Variants in MDGA2 observed in about 807,000 individuals in gnomAD.
The protein encoded by MDGA2 is MAM domain-containing glycosylphosphatidylinositol anchor protein 2.
Under a neutral mutation model 117.8 loss-of-function variants are expected in MDGA2, and 40 were observed. The ratio of observed to expected loss-of-function variants is 0.34; its 90% CI spans 0.26 to 0.44. The LOEUF is 0.44. MDGA2 is among the 20% of genes least tolerant of loss of function. The pLI, the probability that MDGA2 is intolerant of heterozygous loss-of-function variation, is 1.00. For missense variants in MDGA2, 1,123 were observed against 1,250.6 expected (o/e 0.90, Z 1.54); for synonymous variants, 452 against 439.0 (o/e 1.03, Z -0.37).
intron 1 of MDGA2, among the ~76,000 whole-genome samples, chr14:47,378,221 C>A (rs184038910): frequency 0.081 from 12,308 of 152,176 alleles, 582 homozygotes; most frequent in Non-Finnish European, 0.091. Flanking sequence ...TCACCATCAA[C>A]AAAGACCAAA....
intron 3 of MDGA2, among the ~76,000 whole-genome samples, chr14:47,167,823 C>G (rs1883947005): frequency 6.6e-6 from 1 of 152,150 alleles, no homozygotes; most frequent in African/African-American, 2.4e-5. Context: ...TAGTCTCAAT[C>G]AGGTAAAACT....
At chr14:47,095,917 G>T (rs1182724483) in intron 6 of MDGA2, among the ~76,000 whole-genome samples, 1 of 151,850 alleles carries the variant, frequency 6.6e-6, no homozygotes, top group African/African-American at 2.4e-5. Context: ...TCAGCATATG[G>T]ATGTCCCTTT....
intron 1 of MDGA2, among the ~76,000 whole-genome samples, chr14:47,408,056 C>CTTT (rs56285818): frequency 0.28 from 32,212 of 114,900 alleles, 5,127 homozygotes; most frequent in East Asian, 0.47. Context: ...GGAGATTATT[C>CTTT]TTTTTTTTTT....
At chr14:47,416,395 C>G (rs548397708) in intron 1 of MDGA2, among the ~76,000 whole-genome samples, 98 of 152,266 alleles carry the variant, frequency 6.4e-4, no homozygotes, top group African/African-American at 2.0e-3. Flanking sequence ...ATCCAGTCTC[C>G]CAGACAGACT....
chr14:47,607,046 T>G (rs1299528592), intron 1 of MDGA2, among the ~76,000 whole-genome samples: 4 of 152,274 alleles, frequency 2.6e-5, no homozygotes, highest in African/African-American at 7.2e-5. Flanking sequence ...GCACTATTGT[T>G]TGCTAAAGAT....
chr14:47,136,780 A>G (rs1241502087), intron 4 of MDGA2, among the ~76,000 whole-genome samples: 1 of 152,236 alleles, frequency 6.6e-6, no homozygotes, highest in African/African-American at 2.4e-5. Flanking sequence ...AGATAGGAAT[A>G]GAGCACACAG....
intron 1 of MDGA2, among the ~76,000 whole-genome samples, chr14:47,505,417 G>A (rs1349666532): frequency 1.3e-5 from 2 of 152,092 alleles, no homozygotes; most frequent in Non-Finnish European, 2.9e-5. Flanking sequence ...TACCCTGACT[G>A]ACTCATTACA....
chr14:47,397,815 G>A (rs1275330240), intron 1 of MDGA2, among the ~76,000 whole-genome samples: 1 of 152,004 alleles, frequency 6.6e-6, no homozygotes, highest in East Asian at 1.9e-4. Flanking sequence ...TAACCTTAGG[G>A]GCTAGTTGAA....
At chr14:46,958,143 T>C (rs1193555922) in intron 8 of MDGA2, among the ~76,000 whole-genome samples, 1 of 152,172 alleles carries the variant, frequency 6.6e-6, no homozygotes, top group Non-Finnish European at 1.5e-5. Context: ...AAGAAGTGAA[T>C]GACACTATGA....
chr14:47,580,657 G>T (rs1222008157), intron 1 of MDGA2, among the ~76,000 whole-genome samples: 2 of 151,598 alleles, frequency 1.3e-5, no homozygotes, highest in South Asian at 4.1e-4. Context: ...CTATATATTT[G>T]AAAGCACAAA....
intron 1 of MDGA2, among the ~76,000 whole-genome samples, chr14:47,389,614 A>C (rs200759231): frequency 1.4e-5 from 2 of 147,588 alleles, no homozygotes; most frequent in African/African-American, 5.1e-5. Context: ...ACCCACACAC[A>C]CACACACACA....
At chr14:47,072,950 A>G (rs1312790204) in intron 6 of MDGA2, among the ~76,000 whole-genome samples, 6 of 152,218 alleles carry the variant, frequency 3.9e-5, no homozygotes, top group Admixed American at 3.3e-4. Context: ...CGTAACTCCC[A>G]TAAGTATCAA....
chr14:47,072,777 A>G (rs923435191), intron 6 of MDGA2, among the ~76,000 whole-genome samples: 1 of 152,190 alleles, frequency 6.6e-6, no homozygotes, highest in Non-Finnish European at 1.5e-5. Context: ...GCCATCCTTT[A>G]GAAATACAGG....
chr14:47,135,527 AT>A (rs1882409769), intron 4 of MDGA2, among the ~76,000 whole-genome samples: 1 of 151,876 alleles, frequency 6.6e-6, no homozygotes, highest in South Asian at 2.1e-4. Context: ...CCCACTCAAC[AT>A]TTTCCCCAAG....
chr14:47,064,639 G>T (rs1890014732), intron 6 of MDGA2, among the ~76,000 whole-genome samples: 1 of 152,028 alleles, frequency 6.6e-6, no homozygotes, highest in African/African-American at 2.4e-5. Flanking sequence ...TATGGATCAA[G>T]TGCATCATTT....
chr14:47,344,673 A>C (rs1341164681), intron 1 of MDGA2, among the ~76,000 whole-genome samples: 1 of 152,008 alleles, frequency 6.6e-6, no homozygotes, highest in Non-Finnish European at 1.5e-5. Context: ...ATATCTGTGG[A>C]TAGAATATTA....
intron 1 of MDGA2, among the ~76,000 whole-genome samples, chr14:47,481,482 C>T (rs1459326993): frequency 6.6e-6 from 1 of 151,930 alleles, no homozygotes; most frequent in Non-Finnish European, 1.5e-5. Flanking sequence ...ATATCCTGAA[C>T]TGCTAATGTA....
At chr14:46,971,713 G>A (rs28848315) in intron 8 of MDGA2, among the ~76,000 whole-genome samples, 1 of 151,988 alleles carries the variant, frequency 6.6e-6, no homozygotes, top group Non-Finnish European at 1.5e-5. Flanking sequence ...CAGGTATATA[G>A]TTAAAGAGGT....
rs1194632332 is a variant in MDGA2 at position 47,404,517 on chromosome 14, CAG to C, written c.281-102969_281-102968del. On this transcript the variant is annotated intron_variant, in intron 1 of 16. Coordinates refer to ENST00000399232, the MANE Select transcript of MDGA2 (RefSeq NM_001113498.3). ...AAGTTTAAAAAAAAAAAAATTGAGA[CAG>C]GGTCTCACTCTGTTGCCCATGCTGG... is the stretch of plus-strand genomic sequence containing the variant. Among the ~76,000 whole-genome samples, 3 of 151,420 alleles carry C rather than the reference CAG, an allele frequency of 2.0e-5. No homozygotes were observed. The East Asian group carries it at 5.9e-4, about 30-fold the overall frequency.
Sources: gnomAD v4.1 joint callset for allele counts (sites outside exome capture counted in the v4.1 genomes callset) on GRCh38, gnomAD v4.1.1 for gene constraint, MANE v1.5 for transcripts, NCBI Gene and HGNC (gene_info 2026-07-23, HGNC 2026-07-21) for gene names.